ABRA: variants seen among roughly 807,000 people sequenced by gnomAD.
The protein encoded by ABRA is actin-binding Rho-activating protein.
A neutral mutation model predicts 33.4 loss-of-function variants in ABRA; 25 were observed. The observed-to-expected ratio is 0.75, with a 90% CI of 0.55 to 1.04. ABRA has a LOEUF of 1.04. Ranked by LOEUF, ABRA falls within the 50% of genes least tolerant of loss-of-function variation. The probability of loss-of-function intolerance (pLI) is 0.00; values close to 1 mark genes in which losing one functional copy is unlikely to be tolerated. For missense variants in ABRA, 501 were observed against 491.7 expected (o/e 1.02, Z -0.18); for synonymous variants, 193 against 176.8 (o/e 1.09, Z -0.73).
At chr8:106,766,875 C>T (rs1836229294) in intron 1 of ABRA, among the ~76,000 whole-genome samples, 1 of 152,120 alleles carries the variant, frequency 6.6e-6, no homozygotes, top group Non-Finnish European at 1.5e-5. Flanking sequence ...TAGATAAGGA[C>T]CGAGAGACTC....
intron 1 of ABRA, among the ~76,000 whole-genome samples, chr8:106,766,764 TATG>T (rs1466570423): frequency 6.6e-6 from 1 of 152,190 alleles, no homozygotes; most frequent in African/African-American, 2.4e-5. Context: ...CTTCCTGTAT[TATG>T]ATGAGTACAA....
In ABRA at chr8:106,769,642, T is replaced by A. The variant is rs763284246; in HGVS notation, c.549A>T (p.Thr183=). Residue 183 remains threonine (T), a synonymous_variant, in exon 1 of 2, where the codon ACA becomes ACT. Coordinates refer to ENST00000311955, the MANE Select transcript of ABRA (RefSeq NM_139166.5). ...CTGTGTCTACGCTGTCACTCCTCCA[T>A]GTGGGCTCCTCCTGCTCCATCACTC... ...GWRVMEQEEP[T]WRSDSVDTED... is the part of the protein sequence containing the mutation. The A allele has an allele frequency of 5.0e-6, 8 of 1,614,062 alleles. No individual in the cohort carries two copies. The Admixed American group carries it at 5.0e-5, about 10-fold the overall frequency.
intron 1 of ABRA, among the ~76,000 whole-genome samples, chr8:106,768,974 A>G (rs548260532): frequency 9.2e-5 from 14 of 152,324 alleles, no homozygotes; most frequent in South Asian, 6.2e-4. Context: ...TAGGGGCAGA[A>G]CTAGGATTTG....
chr8:106,769,145 G>A (rs1810554519), intron 1 of ABRA, among the ~76,000 whole-genome samples: 3 of 152,182 alleles, frequency 2.0e-5, no homozygotes, highest in African/African-American at 7.2e-5. Context: ...TTTCCCCAAT[G>A]AGTCTATCAG....
intron 1 of ABRA, among the ~76,000 whole-genome samples, 162 bp downstream of exon 1, chr8:106,769,361 T>G (rs1215922682): frequency 1.3e-5 from 2 of 152,154 alleles, no homozygotes; most frequent in African/African-American, 4.8e-5. Flanking sequence ...GCACTGACCT[T>G]CAGCCCAGGG....
intron 1 of ABRA, among the ~76,000 whole-genome samples, chr8:106,768,697 G>A (rs1441446034): frequency 2.0e-5 from 3 of 152,158 alleles, no homozygotes; most frequent in Non-Finnish European, 1.5e-5. Context: ...ACAGTGGCAT[G>A]ATCTTGGCTC....
At chr8:106,769,472 G>C in intron 1 of ABRA, 51 bp downstream of exon 1, 1 of 1,560,222 alleles carries the variant, frequency 6.4e-7, no homozygotes, top group Non-Finnish European at 8.7e-7. Flanking sequence ...AGACTTGGTT[G>C]GGGCTCAATA....
chr8:106,766,537 T>C (rs910275880), intron 1 of ABRA, among the ~76,000 whole-genome samples: 5 of 152,170 alleles, frequency 3.3e-5, no homozygotes, highest in African/African-American at 4.8e-5. Context: ...GGGCAAAAAT[T>C]CCCATGAGGC....
rs1300832929 is a variant in ABRA, at chr8:106,760,922, A to G, written c.*115T>C. On this transcript the variant is annotated 3_prime_UTR_variant, in exon 2 of 2. Coordinates refer to ENST00000311955, the MANE Select transcript of ABRA (RefSeq NM_139166.5). The stretch of plus-strand genomic sequence containing the variant: ...AGAATGCCAGAAAGTCGTTTATGTA[A>G]AAATTGTTTAATATTTACTAACTTA... 4 of 995,982 alleles carry G rather than the reference A, an allele frequency of 4.0e-6. No individual in the cohort carries two copies. The Admixed American group carries it at 9.2e-5, about 23-fold the overall frequency. 61.7% of individuals were successfully genotyped at this position (995,982 alleles called of 1,614,324 possible).
intron 1 of ABRA, 140 bp downstream of exon 1, chr8:106,769,383 C>G: frequency 1.7e-6 from 2 of 1,209,238 alleles, no homozygotes; most frequent in Non-Finnish European, 2.3e-6. Flanking sequence ...CATCCCTCCT[C>G]TACAGTACTC....
At chr8:106,765,668 G>C (rs1836209497) in intron 1 of ABRA, among the ~76,000 whole-genome samples, 1 of 152,082 alleles carries the variant, frequency 6.6e-6, no homozygotes, top group Non-Finnish European at 1.5e-5. Context: ...CAGTTTTGCT[G>C]TCTGTCATTT....
Position 106,770,052 on chromosome 8 carries a change from C to A in ABRA, c.139G>T (p.Glu47Ter). The A allele has an allele frequency of 6.2e-7, 1 of 1,614,030 alleles. No homozygotes were observed. Among genetic ancestry groups the A allele is most frequent in the Non-Finnish European group, 8.5e-7 (1 of 1,179,998 alleles). Residue 47 changes from glutamate (E) to a stop codon, truncating the protein, a stop_gained, in exon 1 of 2, where the codon GAG (glutamate) becomes TAG (stop). Coordinates refer to ENST00000311955, the MANE Select transcript of ABRA (RefSeq NM_139166.5). LOFTEE classifies it high-confidence loss of function. ...CCTCCCGGCAGCCAGCCTGTAGGCTCCTGGGCCTGCCTGATGCTGTTCTCA... is the reference window on the plus strand; with the variant it reads ...CCTCCCGGCAGCCAGCCTGTAGGCTACTGGGCCTGCCTGATGCTGTTCTCA... The part of the protein sequence containing the change: ...ANENSIRQAQ[E>*]PTGWLPGGTQ...
intron 1 of ABRA, among the ~76,000 whole-genome samples, chr8:106,765,471 CTG>C (rs1291292914): frequency 6.6e-6 from 1 of 152,218 alleles, no homozygotes; most frequent in Non-Finnish European, 1.5e-5. Context: ...GCACCCTCCT[CTG>C]TCAGGAAAGC....
intron 1 of ABRA, 21 bp downstream of exon 1, chr8:106,769,502 T>C: frequency 6.2e-7 from 1 of 1,600,432 alleles, no homozygotes; most frequent in South Asian, 1.1e-5. Context: ...ACACAAGGAG[T>C]GGGAGAATGC....
At chr8:106,767,918 A>G (rs1810527983) in intron 1 of ABRA, among the ~76,000 whole-genome samples, 1 of 152,098 alleles carries the variant, frequency 6.6e-6, no homozygotes, top group Non-Finnish European at 1.5e-5. Context: ...AACATGGTGA[A>G]ACCCCATCTC....
intron 1 of ABRA, among the ~76,000 whole-genome samples, chr8:106,763,945 T>A (rs552180244): frequency 2.6e-5 from 4 of 152,344 alleles, no homozygotes; most frequent in African/African-American, 9.6e-5. Context: ...CCAGGCACTT[T>A]TTAAGGTACT....
intron 1 of ABRA, 143 bp downstream of exon 1, chr8:106,769,380 C>T (rs1810559626): frequency 2.6e-6 from 3 of 1,169,710 alleles, no homozygotes; most frequent in Admixed American, 4.5e-5. Flanking sequence ...GGACATCCCT[C>T]CTCTACAGTA....
rs541087971 is a variant in ABRA at position 106,760,268 on chromosome 8, G to C, written c.*769C>G. 6.6e-6 allele frequency: 1 copy of C among 152,264 alleles called. No homozygotes were observed. The highest frequency in any genetic ancestry group is 2.1e-4 in the South Asian group (1 of 4,820). The allele number at this position is 152,264 out of a possible 1,614,324, so 9.4% of individuals were successfully genotyped here. The stretch of plus-strand genomic sequence containing the variant: ...GTGTGCCTTCCTTTGTTGGTACTAA[G>C]ACAGGAAGTGTCTGTTTTTATGTGA... On this transcript the variant is annotated 3_prime_UTR_variant, in exon 2 of 2. Transcript: ENST00000311955.
Position 106,761,034 on chromosome 8 carries a change from G to C in ABRA, c.*3C>G. ...GCCAAATTTGGCTTTTGTTTTTGAA[G>C]GTTCACTTGAGTAGCGTAATCACAA... On this transcript the variant is annotated 3_prime_UTR_variant, in exon 2 of 2. Coordinates refer to ENST00000311955, the MANE Select transcript of ABRA (RefSeq NM_139166.5). 4 of 1,605,260 alleles carry C rather than the reference G, an allele frequency of 2.5e-6. No homozygotes were observed. Among genetic ancestry groups the C allele is most frequent in the Non-Finnish European group, 2.6e-6 (3 of 1,173,084 alleles).
Sources: gnomAD v4.1 joint callset for allele counts (sites outside exome capture counted in the v4.1 genomes callset) on GRCh38, gnomAD v4.1.1 for gene constraint, MANE v1.5 for transcripts, NCBI Gene and HGNC (gene_info 2026-07-23, HGNC 2026-07-21) for gene names.